GUCY2F: variants seen among roughly 807,000 people sequenced by gnomAD.
The protein encoded by GUCY2F is guanylate cyclase 2F, retinal.
GUCY2F carries 61 observed loss-of-function variants against 73.1 expected under a neutral mutation model. The ratio of observed to expected loss-of-function variants is 0.83; its 90% CI spans 0.68 to 1.03. The LOEUF (loss-of-function observed/expected upper bound fraction) is 1.03, where lower values mean the gene tolerates loss of function less well. GUCY2F is among the 50% of genes least tolerant of loss of function. The probability of loss-of-function intolerance (pLI) is 0.00; values close to 1 mark genes in which losing one functional copy is unlikely to be tolerated. For synonymous variants in GUCY2F, 331 were observed against 307.8 expected (o/e 1.08, Z -0.79); for missense variants, 912 against 854.3 (o/e 1.07, Z -0.84).
At chrX:109,450,499 C>T (rs781411510) in intron 5 of GUCY2F, among the ~76,000 whole-genome samples, 1 of 111,635 alleles carries the variant, frequency 9.0e-6, no homozygotes, top group Non-Finnish European at 1.9e-5. Flanking sequence ...TCTGTCACTC[C>T]TCAAATCTCT....
At chrX:109,471,296 G>A (rs1272932892) in intron 2 of GUCY2F, among the ~76,000 whole-genome samples, 2 of 112,088 alleles carry the variant, frequency 1.8e-5, no homozygotes, top group Non-Finnish European at 3.8e-5. Context: ...CCAAGCACAG[G>A]GCTGATCAGC....
intron 6 of GUCY2F, among the ~76,000 whole-genome samples, chrX:109,446,372 CTA>C (rs1313433096): frequency 8.9e-6 from 1 of 111,950 alleles, no homozygotes; most frequent in Non-Finnish European, 1.9e-5. Context: ...TGATTTCAAA[CTA>C]TACTACAAGG....
At chrX:109,395,263 C>T (rs1384377587) in intron 12 of GUCY2F, 78 bp downstream of exon 12, 1 of 865,259 alleles carries the variant, frequency 1.2e-6, no homozygotes, top group Non-Finnish European at 1.7e-6. Flanking sequence ...CACAATATGA[C>T]AAGGACCCAA....
chrX:109,388,606 T>G lies in GUCY2F; in HGVS notation c.2839A>C (p.Ser947Arg). Residue 947 changes from serine to arginine, a missense_variant, in exon 15 of 20, where the codon AGT becomes CGT. Transcript: ENST00000218006. ...VASGLPKRNG[S>R]RHAAEIANMS... ...TTTGCAATCTCAGCTGCATGCCTAC[T>G]GCCATTCCTCTTTGGGAGGCCTGAA... 1 of 1,201,061 alleles carries G rather than the reference T, an allele frequency of 8.3e-7. No homozygotes were observed. The highest frequency in any genetic ancestry group is 1.1e-6 in the Non-Finnish European group (1 of 886,004).
intron 3 of GUCY2F, among the ~76,000 whole-genome samples, chrX:109,454,464 C>G (rs986186395): frequency 9.0e-6 from 1 of 111,556 alleles, no homozygotes; most frequent in Admixed American, 9.5e-5. Context: ...CTGACACATA[C>G]GCACCCAGCT....
At chrX:109,453,207 A>G (rs895906045) in intron 4 of GUCY2F, among the ~76,000 whole-genome samples, 1 of 111,441 alleles carries the variant, frequency 9.0e-6, no homozygotes, top group African/African-American at 3.3e-5. Flanking sequence ...AAAGAGCAAG[A>G]AGAAGGCTAA....
At chrX:109,428,485 A>C (rs1474543480) in intron 8 of GUCY2F, among the ~76,000 whole-genome samples, 1 of 112,298 alleles carries the variant, frequency 8.9e-6, no homozygotes, top group Non-Finnish European at 1.9e-5. Flanking sequence ...AAATATCAAA[A>C]TGAAGAAAAA....
At chrX:109,377,406 G>A (rs1003062869) in intron 17 of GUCY2F, among the ~76,000 whole-genome samples, 1 of 111,513 alleles carries the variant, frequency 9.0e-6, no homozygotes, top group Admixed American at 9.5e-5. Flanking sequence ...CACTCCTCCT[G>A]TACTAGGGCT....
At chrX:109,381,267 G>A (rs1352812376) in intron 17 of GUCY2F, among the ~76,000 whole-genome samples, 1 of 112,008 alleles carries the variant, frequency 8.9e-6, no homozygotes, top group Non-Finnish European at 1.9e-5. Context: ...AATAGTCACT[G>A]AGAAAATCAT....
intron 8 of GUCY2F, among the ~76,000 whole-genome samples, chrX:109,420,697 A>G (rs1181734244): frequency 8.9e-6 from 1 of 112,195 alleles, no homozygotes; most frequent in African/African-American, 3.2e-5. Flanking sequence ...ATACAAGTGA[A>G]TTGTAAACAC....
chrX:109,444,173 G>A (rs758230756), intron 6 of GUCY2F, among the ~76,000 whole-genome samples: 1 of 111,628 alleles, frequency 9.0e-6, no homozygotes, highest in Non-Finnish European at 1.9e-5. Context: ...TGACAGTTTT[G>A]GCTTTCAGCA....
At chrX:109,392,143 C>T in intron 13 of GUCY2F, 40 bp from the exon 14 acceptor site, 6 of 1,012,633 alleles carry the variant, frequency 5.9e-6, no homozygotes, top group Non-Finnish European at 8.2e-6. Context: ...TGACACTGGT[C>T]CCCCTTCATG....
intron 3 of GUCY2F, among the ~76,000 whole-genome samples, chrX:109,459,495 G>T (rs1345017340): frequency 9.0e-6 from 1 of 111,476 alleles, no homozygotes; most frequent in East Asian, 2.8e-4. Context: ...ATAGGAAACA[G>T]ATTAAATTGA....
chrX:109,392,961 C>G lies in GUCY2F; in HGVS notation c.2519G>C (p.Arg840Pro). 1 of 1,165,483 alleles carries G rather than the reference C, an allele frequency of 8.6e-7. No homozygotes were observed. Among genetic ancestry groups the G allele is most frequent in the Non-Finnish European group, 1.2e-6 (1 of 853,750 alleles). The change falls in exon 13 of 20, where the codon CGG (arginine) becomes CCG (proline). Residue 840 changes from arginine to proline, a missense_variant. By Grantham distance (103) the Arg-to-Pro change is moderately radical. Transcript: ENST00000218006. ...QYSSNLEDLI[R>P]ERTEELEIEK... ...AATTTCCAGCTCTTCAGTCCGCTCCCGAATCAAATCTTCCAAGTTGCTAGA... is the reference window on the plus strand; with the variant it reads ...AATTTCCAGCTCTTCAGTCCGCTCCGGAATCAAATCTTCCAAGTTGCTAGA...
intron 8 of GUCY2F, 50 bp from the exon 9 acceptor site, chrX:109,409,218 G>T (rs769305596): frequency 2.0e-5 from 13 of 660,198 alleles, no homozygotes; most frequent in Non-Finnish European, 2.7e-5. Context: ...GTCTCAACTG[G>T]GGACCACAGT....
intron 2 of GUCY2F, among the ~76,000 whole-genome samples, chrX:109,471,011 T>C (rs2147283768): frequency 1.8e-5 from 2 of 112,203 alleles, no homozygotes; most frequent in South Asian, 7.3e-4. Flanking sequence ...ACATAGTAAA[T>C]TCCCAATAAA....
In GUCY2F at chrX:109,410,041, A is replaced by G. The variant is rs533599940; in HGVS notation, c.1792-873T>C. 1.8e-4 allele frequency among the ~76,000 whole-genome samples: 20 copies of G among 111,537 alleles called. No homozygotes were observed. In the South Asian group the frequency reaches 7.7e-3, roughly 43 times the overall value. On this transcript the variant is annotated intron_variant, in intron 8 of 19. Coordinates refer to ENST00000218006, the MANE Select transcript of GUCY2F (RefSeq NM_001522.3). ...GCCCCCTGCCACAGGTCTCCAGATA[A>G]GAGCACAGTGCAACTGACACCTTGA...
chrX:109,449,648 G>T (rs1243436322), intron 5 of GUCY2F, among the ~76,000 whole-genome samples: 3 of 111,963 alleles, frequency 2.7e-5, no homozygotes, highest in Non-Finnish European at 5.6e-5. Context: ...TATCTAGCAG[G>T]ATAATAGTCC....
At chrX:109,481,665 G>C (rs1932766013) in intron 1 of GUCY2F, among the ~76,000 whole-genome samples, 1 of 111,382 alleles carries the variant, frequency 9.0e-6, no homozygotes, top group South Asian at 3.8e-4. Flanking sequence ...GAGCCTTTGA[G>C]CTCAAATCTT....
Sources: allele counts gnomAD v4.1 joint callset (sites outside exome capture counted in the v4.1 genomes callset), GRCh38; gene constraint gnomAD v4.1.1; transcripts MANE v1.5; gene names NCBI Gene and HGNC (gene_info 2026-07-23, HGNC 2026-07-21).